The following KHDRBS2 variants were observed in gnomAD, a reference collection of about 807,000 sequenced individuals.
The protein encoded by KHDRBS2 is KH RNA binding domain containing, signal transduction associated 2, also known as KH domain-containing, RNA-binding, signal transduction-associated protein 2.
KHDRBS2 carries 26 observed loss-of-function variants against 44.3 expected under a neutral mutation model. The observed-to-expected ratio is 0.59, with a 90% confidence interval of 0.43 to 0.81. KHDRBS2 has a LOEUF of 0.81. KHDRBS2 is among the 40% of genes least tolerant of loss of function. The pLI is 0.00. For missense variants in KHDRBS2, 476 were observed against 433.1 expected (o/e 1.10, Z -0.88); for synonymous variants, 194 against 151.1 (o/e 1.28, Z -2.08).
chr6:61,800,635 T>G lies in KHDRBS2; in HGVS notation c.811-67871A>C, dbSNP rs150159433. ...CTTTTTTCAACTTAACAGCTGAATC[T>G]ATGTCCTTCTCCAGATATGGGGTCT... On this transcript the variant is annotated intron_variant, in intron 6 of 8. Transcript: ENST00000281156. 3.9e-5 allele frequency among the ~76,000 whole-genome samples: 6 copies of G among 152,256 alleles called. No homozygotes were observed. The East Asian group carries it at 1.2e-3, about 29-fold the overall frequency.
At chr6:62,187,113 G>C (rs1377069133) in intron 1 of KHDRBS2, among the ~76,000 whole-genome samples, 1 of 152,056 alleles carries the variant, frequency 6.6e-6, no homozygotes, top group African/African-American at 2.4e-5. Context: ...ACAACATCAA[G>C]TTTCCTTAAA....
chr6:61,854,446 A>G (rs1583181111), intron 6 of KHDRBS2, among the ~76,000 whole-genome samples: 1 of 152,144 alleles, frequency 6.6e-6, no homozygotes, highest in Admixed American at 6.6e-5. Context: ...TCTAATGATT[A>G]CCTTGCCAAT....
intron 6 of KHDRBS2, among the ~76,000 whole-genome samples, chr6:61,747,841 A>G (rs772469253): frequency 6.6e-6 from 1 of 152,210 alleles, no homozygotes; most frequent in Admixed American, 6.5e-5. Flanking sequence ...TGACAGAATT[A>G]CCAATTTTAT....
At chr6:61,695,203 C>T (rs1037231166) in intron 8 of KHDRBS2, among the ~76,000 whole-genome samples, 3 of 145,596 alleles carry the variant, frequency 2.1e-5, no homozygotes, top group Non-Finnish European at 3.0e-5. Context: ...TCTACTGAAC[C>T]CTGCTCCCAC....
intron 1 of KHDRBS2, among the ~76,000 whole-genome samples, chr6:62,219,514 T>G (rs965033953): frequency 6.6e-6 from 1 of 151,244 alleles, no homozygotes; most frequent in Admixed American, 6.6e-5. Context: ...GAAAAATAAA[T>G]ACAAAGATAA....
At chr6:61,778,236 C>A (rs1438996827) in intron 6 of KHDRBS2, among the ~76,000 whole-genome samples, 2 of 152,142 alleles carry the variant, frequency 1.3e-5, no homozygotes, top group African/African-American at 4.8e-5. Flanking sequence ...ATTCGTTTAA[C>A]TCCGTGGATG....
intron 2 of KHDRBS2, among the ~76,000 whole-genome samples, chr6:62,105,954 T>C (rs1045464438): frequency 2.0e-5 from 3 of 152,216 alleles, no homozygotes; most frequent in Non-Finnish European, 4.4e-5. Flanking sequence ...TTTGAATGTG[T>C]CCCAGAGATT....
intron 6 of KHDRBS2, among the ~76,000 whole-genome samples, chr6:61,767,580 A>C (rs1400489765): frequency 6.6e-6 from 1 of 151,512 alleles, no homozygotes; most frequent in South Asian, 2.1e-4. Flanking sequence ...GTTTTTGTGA[A>C]GGTGATTTTC....
At chr6:61,913,707 G>A (rs987558405) in intron 4 of KHDRBS2, among the ~76,000 whole-genome samples, 1 of 151,948 alleles carries the variant, frequency 6.6e-6, no homozygotes, top group African/African-American at 2.4e-5. Flanking sequence ...TTGAGAGACT[G>A]GGGAGGCTGG....
chr6:62,104,887 C>G (rs2127377168), intron 2 of KHDRBS2, among the ~76,000 whole-genome samples: 1 of 151,894 alleles, frequency 6.6e-6, no homozygotes, highest in Admixed American at 6.5e-5. Context: ...AATTTATAAG[C>G]CTTCTGTGAG....
intron 3 of KHDRBS2, among the ~76,000 whole-genome samples, chr6:62,009,596 C>T (rs1258429476): frequency 6.6e-6 from 1 of 152,134 alleles, no homozygotes; most frequent in East Asian, 1.9e-4. Flanking sequence ...GGCCCAGAGG[C>T]CTAGGAGGAA....
At chr6:61,548,929 C>G in the KHDRBS2 span, among the ~76,000 whole-genome samples, 1 of 152,130 alleles carries the variant, frequency 6.6e-6, no homozygotes, top group South Asian at 2.1e-4. Flanking sequence ...TAAATAGTTA[C>G]GTCAGTTTGG....
the KHDRBS2 span, among the ~76,000 whole-genome samples, chr6:61,672,534 C>T: frequency 6.6e-6 from 1 of 152,038 alleles, no homozygotes; most frequent in Non-Finnish European, 1.5e-5. Flanking sequence ...CAATGATTGC[C>T]ATTCTAACTG....
chr6:62,102,496 G>A (rs73758668), intron 2 of KHDRBS2, among the ~76,000 whole-genome samples: 3,369 of 152,282 alleles, frequency 0.022, 134 homozygotes, highest in African/African-American at 0.076. Context: ...CCGAGGTCTC[G>A]GCCCCAGAGG....
At chr6:61,995,884 G>T (rs924378009) in intron 3 of KHDRBS2, among the ~76,000 whole-genome samples, 1 of 152,056 alleles carries the variant, frequency 6.6e-6, no homozygotes, top group South Asian at 2.1e-4. Flanking sequence ...TGTCTTTTAA[G>T]TATTATCTTA....
At chr6:61,977,457 C>A (rs974405501) in intron 4 of KHDRBS2, among the ~76,000 whole-genome samples, 5 of 152,112 alleles carry the variant, frequency 3.3e-5, no homozygotes, top group South Asian at 2.1e-4. Context: ...TGTTGCCCTA[C>A]TAAATAAACA....
At chr6:61,790,147 G>A (rs906242349) in intron 6 of KHDRBS2, among the ~76,000 whole-genome samples, 12 of 151,282 alleles carry the variant, frequency 7.9e-5, no homozygotes, top group Non-Finnish European at 1.8e-4. Flanking sequence ...TTTCCATTTA[G>A]GGGTGCTTTT....
intron 2 of KHDRBS2, among the ~76,000 whole-genome samples, chr6:62,106,709 C>T (rs1020803126): frequency 5.3e-5 from 8 of 152,100 alleles, no homozygotes; most frequent in African/African-American, 9.7e-5. Context: ...TACTGGCAAA[C>T]GGAATCCAGC....
the KHDRBS2 span, among the ~76,000 whole-genome samples, chr6:61,605,092 C>T: frequency 6.6e-6 from 1 of 152,152 alleles, no homozygotes; most frequent in East Asian, 1.9e-4. Context: ...CTGGACAATA[C>T]TTTTACCACT....
Sources: allele counts gnomAD v4.1 joint callset (sites outside exome capture counted in the v4.1 genomes callset), GRCh38; gene constraint gnomAD v4.1.1; transcripts MANE v1.5; gene names NCBI Gene and HGNC (gene_info 2026-07-23, HGNC 2026-07-21).